Variants in MARCHF4 observed in about 807,000 individuals in gnomAD.
MARCHF4 encodes the protein E3 ubiquitin-protein ligase MARCHF4.
Under a neutral mutation model 43.9 loss-of-function variants are expected in MARCHF4, and 14 were observed. The ratio of observed to expected loss-of-function variants is 0.32; its 90% CI spans 0.21 to 0.50. The LOEUF (loss-of-function observed/expected upper bound fraction) is 0.50. MARCHF4 is among the 20% of genes least tolerant of loss of function. The pLI is 0.98. For missense variants in MARCHF4, 468 were observed against 536.7 expected, an observed-to-expected ratio of 0.87 and a Z score of 1.27; for synonymous variants, 226 against 213.3, an observed-to-expected ratio of 1.06 and a Z score of -0.52.
intron 1 of MARCHF4, among the ~76,000 whole-genome samples, chr2:216,306,455 A>AT (rs1464068141): frequency 6.6e-6 from 1 of 152,064 alleles, no homozygotes; most frequent in Non-Finnish European, 1.5e-5. Context: ...TTCCAAATCT[A>AT]TTTTTTTCTA....
In MARCHF4 at chr2:216,328,764, G is replaced by A. The variant is rs141800488; in HGVS notation, c.516+40981C>T. Among the ~76,000 whole-genome samples the A allele has an allele frequency of 3.1e-4, 47 of 152,366 alleles. No homozygotes were observed. In the East Asian group the frequency reaches 7.9e-3, roughly 26 times the overall value. On this transcript the variant is annotated intron_variant, in intron 1 of 3. Transcript: ENST00000273067. ...AATTAAAAGCTATGATAGGCCGGGTGCAGAGGCTCACACCTGTAATCCCAG... is the reference window on the plus strand; with the variant it reads ...AATTAAAAGCTATGATAGGCCGGGTACAGAGGCTCACACCTGTAATCCCAG...
chr2:216,348,032 CTTTTT>C (rs773695717), intron 1 of MARCHF4, among the ~76,000 whole-genome samples: 1 of 99,674 alleles, frequency 1.0e-5, no homozygotes, highest in Admixed American at 1.1e-4. Flanking sequence ...TTAAGGCATT[CTTTTT>C]TTTTTTTTTT....
chr2:216,284,046 T>C (rs986239623), intron 1 of MARCHF4, among the ~76,000 whole-genome samples: 1 of 151,956 alleles, frequency 6.6e-6, no homozygotes, highest in Non-Finnish European at 1.5e-5. Flanking sequence ...CACAGTGGGG[T>C]GTCAGGCTGC....
chr2:216,305,482 C>T lies in MARCHF4; in HGVS notation c.517-21753G>A, dbSNP rs564999863. Among the ~76,000 whole-genome samples the T allele has an allele frequency of 3.4e-4, 51 of 152,168 alleles. No individual in the cohort carries two copies. In the South Asian group the frequency reaches 9.4e-3, roughly 28 times the overall value. On this transcript the variant is annotated intron_variant, in intron 1 of 3. Transcript: ENST00000273067. ...ACCTTAAGTATCACCTTTCTTGCTCCGGCTCTAACGCTAAGACAAAAATTT... is the reference window on the plus strand; with the variant it reads ...ACCTTAAGTATCACCTTTCTTGCTCTGGCTCTAACGCTAAGACAAAAATTT...
chr2:216,360,249 C>G lies in MARCHF4; in HGVS notation c.516+9496G>C, dbSNP rs138375608. ...TTATACTTTTTGATGTATTCATGTA[C>G]CATTTATACTATTATTTTCTTCAAA... On this transcript the variant is annotated intron_variant, in intron 1 of 3. Transcript: ENST00000273067. Among the ~76,000 whole-genome samples, 726 of 152,128 alleles carry G rather than the reference C, an allele frequency of 4.8e-3. 3 individuals are homozygous for G. The highest frequency in any genetic ancestry group is 8.2e-3 in the Non-Finnish European group (555 of 67,982).
At chr2:216,306,626 T>C (rs1691591106) in intron 1 of MARCHF4, among the ~76,000 whole-genome samples, 2 of 152,074 alleles carry the variant, frequency 1.3e-5, no homozygotes. Context: ...TGCCATATTA[T>C]AGCAAGGGTA....
At chr2:216,276,481 G>A (rs1691023537) in intron 3 of MARCHF4, among the ~76,000 whole-genome samples, 1 of 152,244 alleles carries the variant, frequency 6.6e-6, no homozygotes, top group South Asian at 2.1e-4. Flanking sequence ...AATGTGGAGA[G>A]ACAGCAAGAT....
intron 1 of MARCHF4, among the ~76,000 whole-genome samples, chr2:216,300,370 G>GTATATATATATATATATATAT (rs1691476180): frequency 7.8e-6 from 1 of 128,518 alleles, no homozygotes; most frequent in Non-Finnish European, 1.6e-5. Flanking sequence ...ATATATATAT[G>GTATATATATATATATATATAT]ACTTACTCTG....
chr2:216,309,490 G>A (rs1224298705), intron 1 of MARCHF4, among the ~76,000 whole-genome samples: 1 of 152,170 alleles, frequency 6.6e-6, no homozygotes, highest in African/African-American at 2.4e-5. Flanking sequence ...CCACATCCAA[G>A]TTCCTAGGGT....
intron 1 of MARCHF4, among the ~76,000 whole-genome samples, chr2:216,311,046 A>G (rs1691677127): frequency 6.6e-6 from 1 of 152,228 alleles, no homozygotes; most frequent in African/African-American, 2.4e-5. Flanking sequence ...TACCATCTAG[A>G]GATAAGCACT....
In MARCHF4 at chr2:216,358,879, G is replaced by C. The variant is rs540779796; in HGVS notation, c.516+10866C>G. 9.2e-5 allele frequency among the ~76,000 whole-genome samples: 14 copies of C among 152,346 alleles called. No individual in the cohort carries two copies. The South Asian group carries it at 2.9e-3, about 32-fold the overall frequency. On this transcript the variant is annotated intron_variant, in intron 1 of 3. Coordinates refer to ENST00000273067, the MANE Select transcript of MARCHF4 (RefSeq NM_020814.3). Reference sequence around the variant, plus strand: ...TAAAACACTTCATTGTTGGGACTTAGTGAGCTGTGAGGGATAGAGCTGTGT... The same window carrying C: ...TAAAACACTTCATTGTTGGGACTTACTGAGCTGTGAGGGATAGAGCTGTGT...
chr2:216,314,624 G>T (rs578225691), intron 1 of MARCHF4, among the ~76,000 whole-genome samples: 1 of 152,220 alleles, frequency 6.6e-6, no homozygotes, highest in African/African-American at 2.4e-5. Flanking sequence ...TGCTTGGCCT[G>T]TAACTACAAT....
chr2:216,289,876 G>T (rs570982442), intron 1 of MARCHF4, among the ~76,000 whole-genome samples: 20 of 152,322 alleles, frequency 1.3e-4, no homozygotes, highest in African/African-American at 4.6e-4. Context: ...AGACTAATAT[G>T]GTGGTGAAAA....
At chr2:216,313,210 G>A (rs1691718115) in intron 1 of MARCHF4, among the ~76,000 whole-genome samples, 1 of 151,844 alleles carries the variant, frequency 6.6e-6, no homozygotes, top group South Asian at 2.1e-4. Flanking sequence ...CTTTTTTTCT[G>A]GGTTCTCTAT....
intron 1 of MARCHF4, among the ~76,000 whole-genome samples, chr2:216,315,695 G>T (rs529933999): frequency 6.6e-6 from 1 of 152,290 alleles, no homozygotes; most frequent in East Asian, 1.9e-4. Context: ...TATATGCATA[G>T]AAATGTCCGT....
At chr2:216,342,682 G>C (rs915508937) in intron 1 of MARCHF4, among the ~76,000 whole-genome samples, 2 of 152,106 alleles carry the variant, frequency 1.3e-5, no homozygotes, top group Non-Finnish European at 2.9e-5. Flanking sequence ...AGGACTCAGA[G>C]ACCCCCTAGG....
At chr2:216,317,758 G>A (rs1333569590) in intron 1 of MARCHF4, among the ~76,000 whole-genome samples, 4 of 152,102 alleles carry the variant, frequency 2.6e-5, no homozygotes, top group Admixed American at 2.0e-4. Flanking sequence ...CTCTATAAGC[G>A]GGTAAAGTAG....
At chr2:216,354,903 C>CTTTCTTTCTTTCTTCCTTT (rs1692461653) in intron 1 of MARCHF4, among the ~76,000 whole-genome samples, 5 of 55,236 alleles carry the variant, frequency 9.1e-5, no homozygotes, top group Admixed American at 2.0e-4. Flanking sequence ...TTCTTTCTTT[C>CTTTCTTTCTTTCTTCCTTT]TTTCTTTCTT....
chr2:216,337,551 C>T (rs1297098430), intron 1 of MARCHF4, among the ~76,000 whole-genome samples: 2 of 152,176 alleles, frequency 1.3e-5, no homozygotes, highest in African/African-American at 2.4e-5. Context: ...AATTTCCACA[C>T]TGAAAATGTG....
Sources: gnomAD v4.1 joint callset for allele counts (sites outside exome capture counted in the v4.1 genomes callset) on GRCh38, gnomAD v4.1.1 for gene constraint, MANE v1.5 for transcripts, NCBI Gene and HGNC (gene_info 2026-07-23, HGNC 2026-07-21) for gene names.